Variants in RNF31 observed in about 807,000 individuals in gnomAD.
RNF31 encodes E3 ubiquitin-protein ligase RNF31.
RNF31 carries 38 observed loss-of-function variants against 133.6 expected under a neutral mutation model. That is an observed-to-expected ratio of 0.28 (90% CI 0.22 to 0.37). The LOEUF is 0.37. Among genes scored for constraint, RNF31 ranks in the 10% least tolerant of loss-of-function variants. The pLI is 1.00. For synonymous variants in RNF31, 582 were observed against 552.3 expected (o/e 1.05, Z -0.75); for missense variants, 1,118 against 1,394.1 (o/e 0.80, Z 3.15).
rs1430555268 is a variant in RNF31 at position 24,150,711 on chromosome 14, C to T, written c.1311C>T (p.Ser437=). The change falls in exon 8 of 21, where the codon AGC becomes AGT. Residue 437 remains serine (S), a synonymous_variant. Transcript: ENST00000324103. ...WVCVMCNRTS[S]PIPAQHAPRP... ...GTGTTATGTGCAACCGGACTAGTAG[C>T]CCCATTCCAGCACAACATGCCCCCC... 13 of 1,614,202 alleles carry T rather than the reference C, an allele frequency of 8.1e-6. No individual in the cohort carries two copies. The highest frequency in any genetic ancestry group is 1.1e-5 in the Non-Finnish European group (13 of 1,180,020).
In RNF31 at chr14:24,150,793, C is replaced by G; in HGVS notation, c.1393C>G (p.Leu465Val). 6.2e-7 allele frequency: 1 copy of G among 1,609,320 alleles called. No individual in the cohort carries two copies. Among genetic ancestry groups the G allele is most frequent in the Non-Finnish European group, 8.5e-7 (1 of 1,176,918 alleles). ...GPPKPGPPRR[L>V]SAPLPSSCGD... is the part of the protein sequence containing the mutation. Reference sequence around the variant, plus strand: ...CCCCAAGCCTGGGCCCCCACGACGCCTTAGTGCCCCCCTGCCCAGTTCCTG... The same window carrying G: ...CCCCAAGCCTGGGCCCCCACGACGCGTTAGTGCCCCCCTGCCCAGTTCCTG... Residue 465 changes from leucine to valine, a missense_variant, in exon 8 of 21, where the codon CTT becomes GTT. By Grantham distance (32) the Leu-to-Val change is conservative. Transcript: ENST00000324103.
In RNF31 at chr14:24,151,874, G is replaced by A; in HGVS notation, c.2012G>A (p.Arg671Lys). The change falls in exon 11 of 21, where the codon AGG becomes AAG. Residue 671 changes from arginine to lysine, a missense_variant. This residue lies in a region of RNF31 where 201 missense variants were observed against 371.7 expected (regional missense o/e 0.54). Transcript: ENST00000324103. This position sits in a 1 kb window ranked among gnomAD's most constrained non-coding sequence, Gnocchi z 5.3. ...CTGTCACTGCTGCAGGAGACACCCA[G>A]GAACTATGAGTTGGGGGATGTGGTA... ...LALSLLQETP[R>K]NYELGDVVEA... 1.2e-6 allele frequency: 2 copies of A among 1,614,206 alleles called. No homozygotes were observed. The highest frequency in any genetic ancestry group is 1.7e-6 in the Non-Finnish European group (2 of 1,180,038).
rs1314963494 is a variant in RNF31, at chr14:24,148,250, T to G, written c.340-8T>G. ...TCCTGGGTGGTGACTCGTTTGAATG[T>G]GTGGCAGGGGGGCCGAGATGTGCTG... On this transcript the variant is annotated splice_polypyrimidine_tract_variant and splice_region_variant and intron_variant, in intron 2 of 20. Transcript: ENST00000324103. 1.2e-6 allele frequency: 2 copies of G among 1,614,066 alleles called. No homozygotes were observed. Among genetic ancestry groups the G allele is most frequent in the Non-Finnish European group, 1.7e-6 (2 of 1,179,996 alleles).
chr14:24,159,132 G>A lies in RNF31; in HGVS notation c.2900-732G>A, dbSNP rs72658753. Among the ~76,000 whole-genome samples the A allele has an allele frequency of 7.4e-3, 1,108 of 150,370 alleles. 16 individuals are homozygous for A. Among genetic ancestry groups the A allele is most frequent in the African/African-American group, 0.026 (1,059 of 40,784 alleles). On this transcript the variant is annotated intron_variant, in intron 18 of 20. Transcript: ENST00000324103. ...GGCCGAGGCAGGTGGATCACCTGACGTCAGGAGTTCGTGACCAACCTGGCC... is the reference window on the plus strand; with the variant it reads ...GGCCGAGGCAGGTGGATCACCTGACATCAGGAGTTCGTGACCAACCTGGCC...
intron 18 of RNF31, among the ~76,000 whole-genome samples, chr14:24,159,584 CAAAA>C (rs59295225): frequency 2.4e-4 from 20 of 82,210 alleles, no homozygotes; most frequent in East Asian, 5.0e-4. Flanking sequence ...AAATAACAAC[CAAAA>C]AAAAAAAAAA....
At chr14:24,149,921 G>C (rs922123636) in intron 6 of RNF31, 140 bp from the exon 7 acceptor site, 3 of 1,017,950 alleles carry the variant, frequency 2.9e-6, no homozygotes, top group Non-Finnish European at 4.3e-6. Context: ...TAAGCTATGG[G>C]TATAGGAGTA....
intron 14 of RNF31, among the ~76,000 whole-genome samples, chr14:24,156,965 T>C (rs1479747844): frequency 6.6e-6 from 1 of 151,886 alleles, no homozygotes; most frequent in Non-Finnish European, 1.5e-5. Flanking sequence ...GGAGCAGGAA[T>C]GGGAAACAGA....
Position 24,147,752 on chromosome 14 carries a change from G to A in RNF31, c.54G>A (p.Ala18=). 1 of 1,566,034 alleles carries A rather than the reference G, an allele frequency of 6.4e-7. No individual in the cohort carries two copies. Among genetic ancestry groups the A allele is most frequent in the Non-Finnish European group, 8.6e-7 (1 of 1,159,952 alleles). ...TCCTGGTGGCCCGCGAGGAGCTGGC[G>A]AGCGCCCTGAGGAGGGATTCCGGGC... ...RAFLVAREEL[A]SALRRDSGQA... is the part of the protein sequence containing the mutation. The change falls in exon 1 of 21, where the codon GCG becomes GCA. Residue 18 remains alanine (A), a synonymous_variant. Transcript: ENST00000324103.
Position 24,155,133 on chromosome 14 carries a change from C to T in RNF31, c.2131-24C>T. 6.2e-7 allele frequency: 1 copy of T among 1,607,184 alleles called. No homozygotes were observed. Among genetic ancestry groups the T allele is most frequent in the African/African-American group, 1.3e-5 (1 of 74,896 alleles). On this transcript the variant is annotated intron_variant, in intron 11 of 20. Transcript: ENST00000324103. This position sits in a 1 kb window ranked among gnomAD's most constrained non-coding sequence, Gnocchi z 4.9. ...TGGCAGCTGTGGCTTCTGACCCCCTCCCCTCCAACCCCTCACCCTCCAGAT... is the reference window on the plus strand; with the variant it reads ...TGGCAGCTGTGGCTTCTGACCCCCTTCCCTCCAACCCCTCACCCTCCAGAT...
rs761884810 is a variant in RNF31 at position 24,151,324 on chromosome 14, G to A, written c.1682G>A (p.Arg561His). 2.8e-5 allele frequency: 45 copies of A among 1,614,106 alleles called. No homozygotes were observed. Among genetic ancestry groups the A allele is most frequent in the Middle Eastern group, 3.3e-4 (2 of 6,084 alleles). The change falls in exon 9 of 21, where the codon CGT becomes CAT. Residue 561 changes from arginine (R) to histidine (H), a missense_variant. Around this residue, in one of 3 missense-constraint regions of RNF31, gnomAD observed 747 missense variants for 827.9 expected, o/e 0.90. Transcript: ENST00000324103. This position sits in a 1 kb window ranked among gnomAD's most constrained non-coding sequence, Gnocchi z 5.3. Reference sequence around the variant, plus strand: ...GAGGCCCGGAGAGCCTGGCTGGATCGTCATGGCAACCTTGATGAAGCTGTG... The same window carrying A: ...GAGGCCCGGAGAGCCTGGCTGGATCATCATGGCAACCTTGATGAAGCTGTG... ...CQEARRAWLD[R>H]HGNLDEAVEE... is the part of the protein sequence containing the mutation.
At chr14:24,157,877 T>G in intron 16 of RNF31, 21 bp from the exon 17 acceptor site, 1 of 1,603,304 alleles carries the variant, frequency 6.2e-7, no homozygotes, top group Non-Finnish European at 8.5e-7. Context: ...ACTTCCTCTC[T>G]CCCATCTGGG....
At chr14:24,147,299 G>A (rs954808461), upstream of RNF31, 2 of 185,728 alleles carry the variant, frequency 1.1e-5, no homozygotes, top group African/African-American at 4.7e-5. Context: ...ACCAGATTGG[G>A]GGAAGGCGGG....
chr14:24,154,446 T>C (rs2038313047), intron 11 of RNF31, among the ~76,000 whole-genome samples: 1 of 152,058 alleles, frequency 6.6e-6, no homozygotes. Flanking sequence ...CTGGCCTAAT[T>C]TTTGTATTTT....
rs568213187 is a variant in RNF31 at position 24,160,281 on chromosome 14, C to A, written c.3039C>A (p.His1013Gln). 4 of 1,614,172 alleles carry A rather than the reference C, an allele frequency of 2.5e-6. No homozygotes were observed. The Admixed American group carries it at 5.0e-5, about 20-fold the overall frequency. The stretch of plus-strand genomic sequence containing the variant: ...ATCTTGTGAGCCTCATCAATGCCCA[C>A]TCGCTGGACCCAGCCACCTTGTATG... ...KEYLVSLINA[H>Q]SLDPATLYEV... The change falls in exon 20 of 21, where the codon CAC becomes CAA. Residue 1013 changes from histidine (H) to glutamine (Q), a missense_variant. By Grantham distance (24) the His-to-Gln change is conservative. Coordinates refer to ENST00000324103, the MANE Select transcript of RNF31 (RefSeq NM_017999.5). The surrounding 1 kb of genome is among the most constrained non-coding windows in gnomAD (Gnocchi z 4.0).
Position 24,151,103 on chromosome 14 carries a change from C to A in RNF31, c.1489-28C>A. The A allele has an allele frequency of 6.2e-7, 1 of 1,610,034 alleles. No individual in the cohort carries two copies. Among genetic ancestry groups the A allele is most frequent in the South Asian group, 1.1e-5 (1 of 90,944 alleles). ...AGGCTGAGGGTGGGTGAAGGGTGCCCCTCCTGATGGGCGGGACTGTGCCTT... is the reference window on the plus strand; with the variant it reads ...AGGCTGAGGGTGGGTGAAGGGTGCCACTCCTGATGGGCGGGACTGTGCCTT... On this transcript the variant is annotated intron_variant, in intron 8 of 20. Coordinates refer to ENST00000324103, the MANE Select transcript of RNF31 (RefSeq NM_017999.5). This position sits in a 1 kb window ranked among gnomAD's most constrained non-coding sequence, Gnocchi z 5.3.
chr14:24,148,485 T>A (rs2038209992), intron 3 of RNF31, 72 bp downstream of exon 3: 1 of 1,611,428 alleles, frequency 6.2e-7, no homozygotes, highest in Non-Finnish European at 8.5e-7. Flanking sequence ...CAAGTAAGTT[T>A]GAGGACCCCC....
At chr14:24,158,343 C>G (rs150896124) in intron 18 of RNF31, 144 bp downstream of exon 18, 2 of 723,840 alleles carry the variant, frequency 2.8e-6, no homozygotes, top group Admixed American at 5.7e-5. Flanking sequence ...TTGTTTCTTC[C>G]GCTGTAAAAT....
intron 3 of RNF31, 47 bp downstream of exon 3, chr14:24,148,460 G>A (rs778482769): frequency 6.2e-6 from 10 of 1,612,906 alleles, no homozygotes; most frequent in African/African-American, 2.7e-5. Flanking sequence ...CAGGGCTGGG[G>A]AGCCCAGCCT....
intron 11 of RNF31, among the ~76,000 whole-genome samples, chr14:24,153,080 TAA>T (rs750111205): frequency 9.5e-5 from 13 of 136,896 alleles, no homozygotes; most frequent in South Asian, 2.4e-4. Flanking sequence ...GACTCCGTCT[TAA>T]AAAAAAAAAA....
Sources: allele counts gnomAD v4.1 joint callset (sites outside exome capture counted in the v4.1 genomes callset), GRCh38; gene constraint gnomAD v4.1.1; regional missense constraint gnomAD v4.1.1; non-coding constraint Gnocchi (gnomAD v3.1); transcripts MANE v1.5; gene names NCBI Gene and HGNC (gene_info 2026-07-23, HGNC 2026-07-21).